The following HDAC4 variants were observed in gnomAD, a reference collection of about 807,000 sequenced individuals.
HDAC4 encodes histone deacetylase 4.
A neutral mutation model predicts 135.1 loss-of-function variants in HDAC4; 16 were observed. The observed-to-expected ratio is 0.12, with a 90% confidence interval of 0.08 to 0.18. The LOEUF is 0.18. HDAC4 is among the 10% of genes least tolerant of loss of function. The probability of loss-of-function intolerance (pLI) is 1.00; values close to 1 mark genes in which losing one functional copy is unlikely to be tolerated. For synonymous variants in HDAC4, 685 were observed against 653.4 expected (o/e 1.05, Z -0.74); for missense variants, 1,143 against 1,511.8 (o/e 0.76, Z 4.05).
chr2:239,301,282 C>T (rs1054647321), intron 2 of HDAC4, among the ~76,000 whole-genome samples: 6 of 152,130 alleles, frequency 3.9e-5, no homozygotes, highest in African/African-American at 7.2e-5. Flanking sequence ...GATGGTGGGG[C>T]GTATGCAGCG....
At chr2:239,386,482 C>T (rs192860380) in intron 1 of HDAC4, among the ~76,000 whole-genome samples, 1 of 152,008 alleles carries the variant, frequency 6.6e-6, no homozygotes, top group African/African-American at 2.4e-5. Context: ...GGGGGCATCC[C>T]GGGGTGGCCG....
chr2:239,261,471 G>A (rs1220775536), intron 2 of HDAC4, among the ~76,000 whole-genome samples: 2 of 152,142 alleles, frequency 1.3e-5, no homozygotes, highest in African/African-American at 4.8e-5. Context: ...GCAGGCCCTG[G>A]GGACCCTGTT....
chr2:239,170,988 C>T (rs2043416266), intron 5 of HDAC4, among the ~76,000 whole-genome samples: 1 of 152,184 alleles, frequency 6.6e-6, no homozygotes, highest in Non-Finnish European at 1.5e-5. Flanking sequence ...TCAGAATCAG[C>T]TCCAGACCTG....
rs1190765860 is a variant in HDAC4, at chr2:239,056,161, C to CA, written c.3004-1329dup. Among the ~76,000 whole-genome samples, 71 of 152,358 alleles carry CA rather than the reference C, an allele frequency of 4.7e-4. 1 individual carries two copies. The highest frequency in any genetic ancestry group is 4.0e-4 in the Non-Finnish European group (27 of 68,044). ...GCCTCTTTGGAGGCACACATACCCA[C>CA]AGCAGGCTTCAAATGAGCACAGCCG... is the stretch of plus-strand genomic sequence containing the variant. On this transcript the variant is annotated intron_variant, in intron 24 of 26. Coordinates refer to ENST00000543185, the MANE Select transcript of HDAC4 (RefSeq NM_001378414.1).
chr2:239,112,816 A>G (rs986677012), intron 13 of HDAC4, among the ~76,000 whole-genome samples: 2 of 152,230 alleles, frequency 1.3e-5, no homozygotes, highest in African/African-American at 4.8e-5. Context: ...AAATCCTGTG[A>G]ACATGGAAAA....
chr2:239,106,474 T>C (rs1318984168), intron 15 of HDAC4, among the ~76,000 whole-genome samples: 1 of 152,108 alleles, frequency 6.6e-6, no homozygotes, highest in Admixed American at 6.5e-5. Context: ...AGGAGTTTCC[T>C]GCAGCCAGTG....
intron 2 of HDAC4, among the ~76,000 whole-genome samples, chr2:239,344,715 G>A (rs1692503441): frequency 6.6e-6 from 1 of 152,190 alleles, no homozygotes; most frequent in Non-Finnish European, 1.5e-5. Context: ...GCGGTGCTGT[G>A]CGTCAGAAAA....
chr2:239,194,993 A>G (rs1041567442), intron 3 of HDAC4, among the ~76,000 whole-genome samples: 3 of 152,174 alleles, frequency 2.0e-5, no homozygotes, highest in Admixed American at 2.0e-4. Flanking sequence ...GGGTCCCCTG[A>G]GGAGCAGGGA....
At chr2:239,101,209 C>T (rs558365623) in intron 16 of HDAC4, among the ~76,000 whole-genome samples, 2 of 152,334 alleles carry the variant, frequency 1.3e-5, no homozygotes, top group African/African-American at 4.8e-5. Flanking sequence ...TTAGAAGCCT[C>T]CATACCACAG....
At chr2:239,161,472 A>C (rs1212659723) in intron 6 of HDAC4, among the ~76,000 whole-genome samples, 4 of 152,132 alleles carry the variant, frequency 2.6e-5, no homozygotes, top group African/African-American at 7.2e-5. Flanking sequence ...GCGTGGTGTG[A>C]AGCTGGGATC....
intron 3 of HDAC4, 104 bp downstream of exon 3, chr2:239,236,489 T>C (rs939301148): frequency 1.1e-6 from 1 of 889,772 alleles, no homozygotes; most frequent in Non-Finnish European, 1.8e-6. Flanking sequence ...ACCCCACACC[T>C]CCCCCCTCGC....
At position 239,235,201 on chromosome 2, in the gene HDAC4, C is replaced by T. The variant is rs191798054; in HGVS notation, c.94+1392G>A. 1.0e-2 allele frequency among the ~76,000 whole-genome samples: 1,520 copies of T among 152,228 alleles called. 13 individuals are homozygous for T. Among genetic ancestry groups the T allele is most frequent in the Non-Finnish European group, 0.016 (1,074 of 68,020 alleles). ...ACAGAAAGGAGCCCCCCGAACACCC[C>T]CCAAGAGGCCAGGGGACCGTACCCC... On this transcript the variant is annotated intron_variant, in intron 3 of 26. Transcript: ENST00000543185.
At chr2:239,095,480 C>T (rs2036933450) in intron 16 of HDAC4, among the ~76,000 whole-genome samples, 1 of 152,182 alleles carries the variant, frequency 6.6e-6, no homozygotes, top group Non-Finnish European at 1.5e-5. Context: ...CTAGCAGCCC[C>T]CTCCCATGGC....
Position 239,048,582 on chromosome 2 carries a change from T to TAGAC in HDAC4, c.*4514_*4515insGTCT, listed in dbSNP as rs559635949. 22 of 152,130 alleles carry TAGAC rather than the reference T, an allele frequency of 1.4e-4. No individual in the cohort carries two copies. The South Asian group carries it at 3.9e-3, about 27-fold the overall frequency. 9.4% of individuals were successfully genotyped at this position (152,130 alleles called of 1,614,324 possible). Reference sequence around the variant, plus strand: ...CTGTATAGATAGATAGATAGATAGATAGATAGATAGATTATATATGTTTGT... The same window carrying TAGAC: ...CTGTATAGATAGATAGATAGATAGATAGACAGATAGATAGATTATATATGTTTGT... On this transcript the variant is annotated 3_prime_UTR_variant, in exon 27 of 27. Transcript: ENST00000543185.
intron 2 of HDAC4, among the ~76,000 whole-genome samples, chr2:239,255,501 T>C (rs2049002341): frequency 6.6e-6 from 1 of 152,224 alleles, no homozygotes; most frequent in African/African-American, 2.4e-5. Flanking sequence ...TCATTTTTTC[T>C]TTGCTCTGAG....
chr2:239,185,958 T>C (rs898389241), intron 4 of HDAC4, among the ~76,000 whole-genome samples: 1 of 152,108 alleles, frequency 6.6e-6, no homozygotes, highest in Non-Finnish European at 1.5e-5. Flanking sequence ...CGCTTGAACC[T>C]GGGAGGCGAA....
chr2:239,084,360 G>A, intron 19 of HDAC4, 118 bp from the exon 20 acceptor site: 1 of 730,488 alleles, frequency 1.4e-6, no homozygotes, highest in Non-Finnish European at 2.5e-6. Context: ...TGTGAGTGCA[G>A]AGCTCCTGAA....
At chr2:239,264,738 G>C (rs1312544348) in intron 2 of HDAC4, among the ~76,000 whole-genome samples, 1 of 152,212 alleles carries the variant, frequency 6.6e-6, no homozygotes, top group African/African-American at 2.4e-5. Flanking sequence ...TTCTTGGGGG[G>C]AGGCTCTTCT....
At chr2:239,236,506 T>C (rs2047896132) in intron 3 of HDAC4, 87 bp downstream of exon 3, 20 of 1,098,182 alleles carry the variant, frequency 1.8e-5, no homozygotes, top group South Asian at 1.3e-5. Flanking sequence ...TCGCCCTCTC[T>C]GCACTCCTCC....
Sources: allele counts gnomAD v4.1 joint callset (sites outside exome capture counted in the v4.1 genomes callset), GRCh38; gene constraint gnomAD v4.1.1; transcripts MANE v1.5; gene names NCBI Gene and HGNC (gene_info 2026-07-23, HGNC 2026-07-21).